STK39: variants seen among roughly 807,000 people sequenced by gnomAD.
STK39 encodes STE20/SPS1-related proline-alanine-rich protein kinase.
STK39 carries 20 observed loss-of-function variants against 77.8 expected under a neutral mutation model. That is an observed-to-expected ratio of 0.26 (90% CI 0.18 to 0.37). The LOEUF is 0.37. Among genes scored for constraint, STK39 ranks in the 10% least tolerant of loss-of-function variants. The probability of loss-of-function intolerance (pLI) is 1.00; values close to 1 mark genes in which losing one functional copy is unlikely to be tolerated. For synonymous variants in STK39, 246 were observed against 234.1 expected, an observed-to-expected ratio of 1.05 and a Z score of -0.47; for missense variants, 479 against 656.5, an observed-to-expected ratio of 0.73 and a Z score of 2.95.
intron 12 of STK39, among the ~76,000 whole-genome samples, chr2:168,071,293 G>T (rs559977205): frequency 2.6e-5 from 4 of 152,060 alleles, no homozygotes; most frequent in African/African-American, 9.6e-5. Context: ...CCCAATTCAT[G>T]TCATCAGTGA....
In STK39 at chr2:168,053,336, C is replaced by A. The variant is rs528593556; in HGVS notation, c.1376+10164G>T. ...AAAGTAAACAGAGCAGATTAGAAAA[C>A]AACATATGTTGTTTTATAATAAAAT... On this transcript the variant is annotated intron_variant, in intron 14 of 17. Coordinates refer to ENST00000355999, the MANE Select transcript of STK39 (RefSeq NM_013233.3). 9.3e-4 allele frequency among the ~76,000 whole-genome samples: 142 copies of A among 152,056 alleles called. 1 individual carries two copies. Among genetic ancestry groups the A allele is most frequent in the African/African-American group, 3.3e-3 (137 of 41,464 alleles).
intron 1 of STK39, among the ~76,000 whole-genome samples, chr2:168,215,964 C>T (rs111611926): frequency 2.0e-5 from 3 of 152,158 alleles, no homozygotes; most frequent in African/African-American, 7.2e-5. Context: ...GCTCTAGCAT[C>T]TCTAAGGACT....
chr2:168,157,681 G>A lies in STK39; in HGVS notation c.628+4106C>T, dbSNP rs116031695. 9.3e-3 allele frequency among the ~76,000 whole-genome samples: 1,414 copies of A among 152,152 alleles called. 7 individuals are homozygous for A. Among genetic ancestry groups the A allele is most frequent in the Non-Finnish European group, 0.015 (1,028 of 67,994 alleles). ...CTACTCATGAGGGTTTAGGCCTCAT[G>A]ATCTTATTACCTCCCAAAGGCCCCA... On this transcript the variant is annotated intron_variant, in intron 5 of 17. Transcript: ENST00000355999.
At chr2:168,155,252 G>A (rs906564963) in intron 5 of STK39, among the ~76,000 whole-genome samples, 12 of 152,198 alleles carry the variant, frequency 7.9e-5, no homozygotes, top group Admixed American at 1.3e-4. Flanking sequence ...GCTAGCAGCT[G>A]TTAAAGCATG....
intron 1 of STK39, among the ~76,000 whole-genome samples, chr2:168,200,965 G>A (rs913485681): frequency 2.0e-5 from 3 of 152,144 alleles, no homozygotes; most frequent in African/African-American, 7.2e-5. Context: ...CTTAAATGCA[G>A]GGGTGGAAAA....
At chr2:168,074,844 G>T (rs1686034582) in intron 12 of STK39, 138 bp downstream of exon 12, 2 of 939,486 alleles carry the variant, frequency 2.1e-6, no homozygotes, top group African/African-American at 3.3e-5. Context: ...ACAGAATTAG[G>T]AGCTGCAAAG....
At chr2:168,200,558 C>T (rs376654843) in intron 1 of STK39, among the ~76,000 whole-genome samples, 2 of 151,828 alleles carry the variant, frequency 1.3e-5, no homozygotes, top group African/African-American at 4.8e-5. Context: ...GCGCCTGTAA[C>T]CCCAGCTACT....
At position 167,955,337 on chromosome 2, in the gene STK39, T is replaced by G. The variant is rs200823368; in HGVS notation, c.*159A>C. The G allele has an allele frequency of 4.0e-5, 25 of 629,838 alleles. No homozygotes were observed. The highest frequency in any genetic ancestry group is 6.5e-5 in the Non-Finnish European group (24 of 367,728). The allele number at this position is 629,838 out of a possible 1,614,324, so 39.0% of individuals were successfully genotyped here. On this transcript the variant is annotated 3_prime_UTR_variant, in exon 18 of 18. Transcript: ENST00000355999. ...TTGTAAGTTTTAAAAAATTATTTTT[T>G]TATCCCATTTTGTTGAAGCCGGCCT...
At chr2:167,971,636 C>T (rs1475193079) in intron 16 of STK39, among the ~76,000 whole-genome samples, 6 of 152,036 alleles carry the variant, frequency 3.9e-5, no homozygotes, top group African/African-American at 4.8e-5. Context: ...TAACTTACTG[C>T]GGAATGTTCT....
chr2:167,970,016 G>A (rs79532342), intron 16 of STK39, among the ~76,000 whole-genome samples: 5,642 of 152,162 alleles, frequency 0.037, 367 homozygotes, highest in African/African-American at 0.13. Context: ...GAGCATTCAG[G>A]GCAGGGGCTT....
chr2:168,063,592 CAG>C, intron 13 of STK39, 22 bp from the exon 14 acceptor site: 5 of 1,598,410 alleles, frequency 3.1e-6, no homozygotes, highest in Non-Finnish European at 4.3e-6. Context: ...AAACAGCAAA[CAG>C]TGTTATAAAC....
intron 10 of STK39, among the ~76,000 whole-genome samples, chr2:168,088,847 T>G (rs990277582): frequency 1.3e-5 from 2 of 152,126 alleles, no homozygotes; most frequent in Non-Finnish European, 2.9e-5. Context: ...TAAATAACCC[T>G]CTCTCCTCCT....
chr2:168,123,146 C>A (rs540051201), intron 10 of STK39, among the ~76,000 whole-genome samples: 1 of 152,082 alleles, frequency 6.6e-6, no homozygotes, highest in African/African-American at 2.4e-5. Flanking sequence ...CAGACCTAAA[C>A]GGAGGGACAT....
At chr2:168,035,031 C>A (rs1477183691) in intron 14 of STK39, among the ~76,000 whole-genome samples, 1 of 152,152 alleles carries the variant, frequency 6.6e-6, no homozygotes, top group Non-Finnish European at 1.5e-5. Flanking sequence ...TATCTGACTG[C>A]CAAACCGCCA....
At chr2:168,009,890 G>A (rs1684226259) in intron 16 of STK39, among the ~76,000 whole-genome samples, 1 of 152,190 alleles carries the variant, frequency 6.6e-6, no homozygotes, top group South Asian at 2.1e-4. Context: ...CACTCAATAA[G>A]TTGTACATGA....
chr2:168,062,771 T>C (rs187160082), intron 14 of STK39, among the ~76,000 whole-genome samples: 3 of 152,232 alleles, frequency 2.0e-5, no homozygotes, highest in African/African-American at 7.2e-5. Context: ...GAAGAACATA[T>C]GTATAACTTC....
At chr2:168,151,586 A>T (rs939292753) in intron 5 of STK39, among the ~76,000 whole-genome samples, 2 of 151,956 alleles carry the variant, frequency 1.3e-5, no homozygotes, top group Non-Finnish European at 2.9e-5. Context: ...AACACAAAAA[A>T]TTAGCCAGGT....
intron 16 of STK39, among the ~76,000 whole-genome samples, chr2:168,009,256 T>C (rs1358455786): frequency 6.6e-6 from 1 of 151,906 alleles, no homozygotes; most frequent in Non-Finnish European, 1.5e-5. Context: ...ACATATCTAG[T>C]AAAGAGGGAA....
intron 1 of STK39, among the ~76,000 whole-genome samples, chr2:168,227,061 T>C (rs1690327257): frequency 6.6e-6 from 1 of 152,078 alleles, no homozygotes; most frequent in African/African-American, 2.4e-5. Context: ...TTACAGAAAA[T>C]ATACAGAAGT....
Sources: allele counts gnomAD v4.1 joint callset (sites outside exome capture counted in the v4.1 genomes callset), GRCh38; gene constraint gnomAD v4.1.1; transcripts MANE v1.5; gene names NCBI Gene and HGNC (gene_info 2026-07-23, HGNC 2026-07-21).